The following COL22A1 variants were observed in gnomAD, a reference collection of about 807,000 sequenced individuals.
COL22A1 encodes collagen alpha-1(XXII) chain.
A neutral mutation model predicts 248.9 loss-of-function variants in COL22A1; 221 were observed. The ratio of observed to expected loss-of-function variants is 0.89; its 90% CI spans 0.80 to 0.99. The LOEUF (loss-of-function observed/expected upper bound fraction) is 0.99. Ranked by LOEUF, COL22A1 falls within the 50% of genes least tolerant of loss-of-function variation. The pLI is 0.00. For synonymous variants in COL22A1, 891 were observed against 793.4 expected (o/e 1.12, Z -2.07); for missense variants, 2,240 against 2,179.0 (o/e 1.03, Z -0.56).
chr8:138,735,335 G>A (rs553276197), intron 23 of COL22A1, among the ~76,000 whole-genome samples: 25 of 152,148 alleles, frequency 1.6e-4, no homozygotes, highest in Non-Finnish European at 3.5e-4. Flanking sequence ...GAACCACTGA[G>A]ATCCCTGAAC....
chr8:138,882,747 C>T (rs1372208512), intron 2 of COL22A1, among the ~76,000 whole-genome samples: 1 of 151,420 alleles, frequency 6.6e-6, no homozygotes, highest in Non-Finnish European at 1.5e-5. Context: ...CAAACTCACA[C>T]ACATTCCCTC....
At chr8:138,744,481 C>CCACA (rs60847304) in intron 22 of COL22A1, among the ~76,000 whole-genome samples, 2,608 of 148,740 alleles carry the variant, frequency 0.018, 81 homozygotes, top group African/African-American at 0.056. Context: ...CACACACACA[C>CCACA]CACACACACA....
intron 49 of COL22A1, among the ~76,000 whole-genome samples, chr8:138,631,246 C>A (rs899650676): frequency 6.6e-6 from 1 of 152,210 alleles, no homozygotes; most frequent in Admixed American, 6.5e-5. Context: ...TAGCAACACA[C>A]AGATCTTACA....
At chr8:138,913,358 G>A (rs996386657) in intron 1 of COL22A1, among the ~76,000 whole-genome samples, 2 of 152,128 alleles carry the variant, frequency 1.3e-5, no homozygotes, top group African/African-American at 4.8e-5. Context: ...GAATCAAACA[G>A]GTGTGTTCTC....
At chr8:138,797,053 A>G (rs1456995716) in intron 11 of COL22A1, among the ~76,000 whole-genome samples, 196 bp from the exon 12 acceptor site, 1 of 152,224 alleles carries the variant, frequency 6.6e-6, no homozygotes, top group Non-Finnish European at 1.5e-5. Flanking sequence ...TAATGTTTCC[A>G]ATAACTCAAT....
intron 2 of COL22A1, among the ~76,000 whole-genome samples, chr8:138,880,248 G>A (rs1344185140): frequency 6.6e-6 from 1 of 152,174 alleles, no homozygotes; most frequent in Non-Finnish European, 1.5e-5. Context: ...TTATTTACCA[G>A]CATGGATACA....
At chr8:138,884,606 C>A (rs556996505) in intron 1 of COL22A1, among the ~76,000 whole-genome samples, 5 of 152,102 alleles carry the variant, frequency 3.3e-5, no homozygotes. Context: ...TTGTAAAGTA[C>A]CAATCTGATG....
chr8:138,830,182 C>A (rs927871000), intron 5 of COL22A1, among the ~76,000 whole-genome samples: 1 of 152,182 alleles, frequency 6.6e-6, no homozygotes, highest in Admixed American at 6.5e-5. Flanking sequence ...TGAGGCCAGC[C>A]TCTGCTTCTT....
rs567930377 is a variant in COL22A1, at chr8:138,791,618, C to T, written c.1596+5201G>A. Among the ~76,000 whole-genome samples the T allele has an allele frequency of 9.2e-5, 14 of 152,278 alleles. No individual in the cohort carries two copies. The South Asian group carries it at 2.5e-3, about 27-fold the overall frequency. On this transcript the variant is annotated intron_variant, in intron 12 of 64. Transcript: ENST00000303045. The stretch of plus-strand genomic sequence containing the variant: ...CCACCCCACAAACACCCTCCAATGC[C>T]GTGACTTCAGAACTCTCAGGTGGAT...
At chr8:138,626,361 G>A (rs916392555) in intron 50 of COL22A1, 118 bp from the exon 51 acceptor site, 2 of 838,524 alleles carry the variant, frequency 2.4e-6, no homozygotes, top group Non-Finnish European at 4.0e-6. Flanking sequence ...TGAGAAACAA[G>A]GAGTGCTTCT....
intron 47 of COL22A1, among the ~76,000 whole-genome samples, 163 bp from the exon 48 acceptor site, chr8:138,636,958 G>A (rs937113448): frequency 5.3e-5 from 8 of 152,144 alleles, no homozygotes; most frequent in African/African-American, 1.7e-4. Flanking sequence ...ATAGAAACAG[G>A]GCCTGGTTGA....
At chr8:138,901,365 T>TTG (rs1814544244) in intron 1 of COL22A1, among the ~76,000 whole-genome samples, 1 of 33,586 alleles carries the variant, frequency 3.0e-5, no homozygotes, top group African/African-American at 5.8e-5. Context: ...CAGGTTTTTT[T>TTG]TTTGTTTTTT....
At position 138,763,112 on chromosome 8, in the gene COL22A1, C is replaced by T. The variant is rs370341628; in HGVS notation, c.1804-646G>A. Among the ~76,000 whole-genome samples the T allele has an allele frequency of 7.2e-5, 11 of 152,222 alleles. No individual in the cohort carries two copies. In the South Asian group the frequency reaches 1.0e-3, roughly 14 times the overall value. On this transcript the variant is annotated intron_variant, in intron 16 of 64. Coordinates refer to ENST00000303045, the MANE Select transcript of COL22A1 (RefSeq NM_152888.3). Reference sequence around the variant, plus strand: ...AAAAAAAAGAAAACAAAAGCCTGGGCGTGGTGGCTCACACCTGTCATCCCA... The same window carrying T: ...AAAAAAAAGAAAACAAAAGCCTGGGTGTGGTGGCTCACACCTGTCATCCCA...
intron 22 of COL22A1, among the ~76,000 whole-genome samples, chr8:138,745,190 C>T (rs1832008574): frequency 6.8e-6 from 1 of 146,686 alleles, no homozygotes; most frequent in African/African-American, 2.5e-5. Context: ...ACCAACTTTT[C>T]TTTTTTTTTT....
Position 138,821,401 on chromosome 8 carries a change from C to T in COL22A1, c.980G>A (p.Arg327Gln), listed in dbSNP as rs779455719. The change falls in exon 7 of 65, where the codon CGG becomes CAG. Residue 327 changes from arginine to glutamine, a missense_variant. Coordinates refer to ENST00000303045, the MANE Select transcript of COL22A1 (RefSeq NM_152888.3). The part of the protein sequence containing the change: ...DQYSIPQVSI[R>Q]LDGENKAVEY... ...GACTGCCTTGTTTTCACCATCCAGC[C>T]GGATGGAGACCTGGGGAGGAAAGGA... The T allele has an allele frequency of 5.0e-6, 8 of 1,612,138 alleles. No homozygotes were observed. The highest frequency in any genetic ancestry group is 4.4e-5 in the South Asian group (4 of 91,024).
chr8:138,694,821 C>A lies in COL22A1; in HGVS notation c.2646+5G>T, dbSNP rs1489330543. On this transcript the variant is annotated splice_donor_5th_base_variant and intron_variant, in intron 33 of 64. Transcript: ENST00000303045. ...CTGCGGGGGAAGGGGACACAAGAGA[C>A]TCACCGGTTCCCCAGGCAGGCCTGG... 6.2e-7 allele frequency: 1 copy of A among 1,613,822 alleles called. No homozygotes were observed. Among genetic ancestry groups the A allele is most frequent in the Non-Finnish European group, 8.5e-7 (1 of 1,179,922 alleles).
At chr8:138,778,331 C>T in intron 15 of COL22A1, 22 bp downstream of exon 15, 1 of 1,614,090 alleles carries the variant, frequency 6.2e-7, no homozygotes, top group Non-Finnish European at 8.5e-7. Context: ...GAACCCCTGC[C>T]CAGACAAGTG....
At chr8:138,640,676 A>C (rs984608743) in intron 47 of COL22A1, among the ~76,000 whole-genome samples, 6 of 152,150 alleles carry the variant, frequency 3.9e-5, no homozygotes, top group African/African-American at 1.2e-4. Flanking sequence ...CAAATGAAGC[A>C]AGTATTATGA....
At chr8:138,590,214 A>C (rs1479123875) in intron 64 of COL22A1, among the ~76,000 whole-genome samples, 1 of 152,200 alleles carries the variant, frequency 6.6e-6, no homozygotes, top group Admixed American at 6.5e-5. Context: ...ATGTCTTAGT[A>C]ATCGTCTTAT....
Sources: gnomAD v4.1 joint callset for allele counts (sites outside exome capture counted in the v4.1 genomes callset) on GRCh38, gnomAD v4.1.1 for gene constraint, MANE v1.5 for transcripts, NCBI Gene and HGNC (gene_info 2026-07-23, HGNC 2026-07-21) for gene names.